UNC79: variants seen among roughly 807,000 people sequenced by gnomAD.
UNC79 encodes protein unc-79 homolog.
In UNC79, 37 loss-of-function variants were observed where a neutral mutation model predicts 283.1. The observed-to-expected ratio is 0.13, with a 90% CI of 0.10 to 0.17. The LOEUF (loss-of-function observed/expected upper bound fraction) is 0.17, where lower values mean the gene tolerates loss of function less well. Ranked by LOEUF, UNC79 falls within the 10% of genes least tolerant of loss-of-function variation. The pLI, the probability that UNC79 is intolerant of heterozygous loss-of-function variation, is 1.00. For synonymous variants in UNC79, 1,107 were observed against 1,200.2 expected, an observed-to-expected ratio of 0.92 and a Z score of 1.61; for missense variants, 2,272 against 3,211.1, an observed-to-expected ratio of 0.71 and a Z score of 7.07.
intron 7 of UNC79, among the ~76,000 whole-genome samples, chr14:93,517,919 CTGTG>C (rs3060642): frequency 2.9e-4 from 43 of 147,732 alleles, no homozygotes; most frequent in African/African-American, 9.4e-4. Flanking sequence ...GTGTGTGTGT[CTGTG>C]TGTGTGTGTG....
At chr14:93,578,729 C>A (rs904992091) in intron 18 of UNC79, among the ~76,000 whole-genome samples, 3 of 152,144 alleles carry the variant, frequency 2.0e-5, no homozygotes, top group African/African-American at 7.2e-5. Flanking sequence ...AAACACAGTA[C>A]AGTTATCAAA....
rs534706329 is a variant in UNC79 at position 93,538,804 on chromosome 14, CAAAAAA to C, written c.1352+599_1352+604del. On this transcript the variant is annotated intron_variant, in intron 12 of 48. Transcript: ENST00000555664. ...GGTTTTTCTTCTTCTATCACATGAC[CAAAAAA>C]AAAAAAAAAAAAGCAATTGAAATAA... Among the ~76,000 whole-genome samples the C allele has an allele frequency of 1.3e-4, 14 of 111,390 alleles. No homozygotes were observed. The South Asian group carries it at 1.9e-3, about 15-fold the overall frequency. The allele number at this position is 111,390 out of a possible 152,430, so 73.1% of individuals were successfully genotyped here.
intron 5 of UNC79, among the ~76,000 whole-genome samples, chr14:93,495,688 T>G (rs1162091145): frequency 6.6e-6 from 1 of 152,180 alleles, no homozygotes; most frequent in Non-Finnish European, 1.5e-5. Context: ...CTGGAAAATG[T>G]CCATTGGATT....
chr14:93,644,367 G>A (rs893936715), intron 34 of UNC79, among the ~76,000 whole-genome samples: 2 of 152,196 alleles, frequency 1.3e-5, no homozygotes, highest in African/African-American at 4.8e-5. Flanking sequence ...GTCTTAGCGT[G>A]CACAACTTAT....
At chr14:93,399,468 A>G (rs1349881237) in intron 1 of UNC79, among the ~76,000 whole-genome samples, 1 of 152,204 alleles carries the variant, frequency 6.6e-6, no homozygotes, top group Non-Finnish European at 1.5e-5. Context: ...CACAGCATTA[A>G]TTAATGGTAG....
In UNC79 at chr14:93,618,170, T is replaced by TC. The variant is rs759301591; in HGVS notation, c.4225-21dup. The stretch of plus-strand genomic sequence containing the variant: ...CCTCTAAAATAACCATTTATCTTTT[T>TC]CTCTCTCGTTTCATTGGGCAGTATC... On this transcript the variant is annotated intron_variant, in intron 28 of 48. Transcript: ENST00000555664. The TC allele has an allele frequency of 1.5e-4, 245 of 1,596,854 alleles. 2 individuals carry two copies. The Middle Eastern group carries it at 3.2e-3, about 21-fold the overall frequency.
At chr14:93,501,097 G>A (rs1235339148) in intron 7 of UNC79, among the ~76,000 whole-genome samples, 2 of 151,934 alleles carry the variant, frequency 1.3e-5, no homozygotes, top group Non-Finnish European at 2.9e-5. Context: ...AGTGGAGGCA[G>A]GTGGATCACC....
intron 7 of UNC79, among the ~76,000 whole-genome samples, chr14:93,517,505 TG>T (rs1480273916): frequency 1.3e-5 from 2 of 151,482 alleles, no homozygotes; most frequent in South Asian, 2.1e-4. Flanking sequence ...AGGAAATTAC[TG>T]TCTGTTCTTA....
intron 47 of UNC79, 96 bp from the exon 51 acceptor site, chr14:93,704,529 A>G: frequency 1.4e-6 from 2 of 1,391,324 alleles, no homozygotes; most frequent in East Asian, 2.3e-5. Flanking sequence ...GCGACGTGAA[A>G]GGGATTCAAT....
chr14:93,597,946 C>T (rs1363284979), intron 24 of UNC79, among the ~76,000 whole-genome samples: 1 of 152,154 alleles, frequency 6.6e-6, no homozygotes, highest in Non-Finnish European at 1.5e-5. Flanking sequence ...GATTTTTTAA[C>T]TGGAAGAAAT....
At chr14:93,344,368 T>C (rs2053779941) in intron 1 of UNC79, among the ~76,000 whole-genome samples, 1 of 152,182 alleles carries the variant, frequency 6.6e-6, no homozygotes, top group African/African-American at 2.4e-5. Context: ...CAAAGCAGGA[T>C]TTATCATAAA....
chr14:93,656,586 TGA>T (rs1343337108), intron 38 of UNC79, among the ~76,000 whole-genome samples: 1 of 151,798 alleles, frequency 6.6e-6, no homozygotes, highest in Non-Finnish European at 1.5e-5. Flanking sequence ...CCCAGGAGGT[TGA>T]GACTGCAGTG....
chr14:93,559,474 T>C (rs746699142), intron 14 of UNC79, among the ~76,000 whole-genome samples: 1 of 152,162 alleles, frequency 6.6e-6, no homozygotes, highest in Non-Finnish European at 1.5e-5. Context: ...GCAGGTGGGC[T>C]GAGTCCAAAA....
rs965563723 is a variant in UNC79 at position 93,528,728 on chromosome 14, C to T, written c.1052+82C>T. Reference sequence around the variant, plus strand: ...AAATCATTTGGACTTAAATTAGTTACATTGCTAAAGTTTCTCTCTAGCCTC... The same window carrying T: ...AAATCATTTGGACTTAAATTAGTTATATTGCTAAAGTTTCTCTCTAGCCTC... On this transcript the variant is annotated intron_variant, in intron 9 of 48. Transcript: ENST00000555664. 4.5e-6 allele frequency: 6 copies of T among 1,329,190 alleles called. No homozygotes were observed. In the African/African-American group the frequency reaches 7.3e-5, roughly 16 times the overall value. 82.3% of individuals were successfully genotyped at this position (1,329,190 alleles called of 1,614,324 possible).
intron 1 of UNC79, among the ~76,000 whole-genome samples, chr14:93,390,556 A>G (rs575319177): frequency 2.0e-5 from 3 of 152,188 alleles, no homozygotes; most frequent in Admixed American, 6.6e-5. Context: ...TTGTGTATAT[A>G]TAGAAAAATT....
intron 1 of UNC79, among the ~76,000 whole-genome samples, chr14:93,393,540 A>G (rs533311349): frequency 1.5e-4 from 23 of 152,356 alleles, no homozygotes; most frequent in Admixed American, 1.0e-3. Context: ...TAAAGACATT[A>G]AAGTATTACA....
At chr14:93,517,020 C>A (rs1363279772) in intron 7 of UNC79, among the ~76,000 whole-genome samples, 1 of 152,092 alleles carries the variant, frequency 6.6e-6, no homozygotes, top group Admixed American at 6.6e-5. Context: ...TGGTACTCTA[C>A]AAATACCCTG....
chr14:93,660,563 A>ATATATATATATGTGTG (rs1203621990), intron 39 of UNC79, among the ~76,000 whole-genome samples: 15 of 64,778 alleles, frequency 2.3e-4, no homozygotes, highest in African/African-American at 3.2e-4. Context: ...ATATATATAT[A>ATATATATATATGTGTG]TGTGTGTGTG....
At chr14:93,471,326 C>G (rs1296983375) in intron 2 of UNC79, among the ~76,000 whole-genome samples, 2 of 152,114 alleles carry the variant, frequency 1.3e-5, no homozygotes, top group East Asian at 1.9e-4. Flanking sequence ...CTATACATAC[C>G]TCAGGGCAAC....
Sources: allele counts gnomAD v4.1 joint callset (sites outside exome capture counted in the v4.1 genomes callset), GRCh38; gene constraint gnomAD v4.1.1; transcripts MANE v1.5; gene names NCBI Gene and HGNC (gene_info 2026-07-23, HGNC 2026-07-21).